RNLS: variants seen among roughly 807,000 people sequenced by gnomAD.
RNLS encodes the protein renalase, FAD dependent amine oxidase.
Under a neutral mutation model 39.8 loss-of-function variants are expected in RNLS, and 39 were observed. The observed-to-expected ratio is 0.98, with a 90% confidence interval of 0.76 to 1.28. RNLS has a LOEUF of 1.28. Among genes scored for constraint, RNLS ranks in the 50% most tolerant of loss-of-function variants. The probability of loss-of-function intolerance (pLI) is 0.00; values close to 1 mark genes in which losing one functional copy is unlikely to be tolerated. For missense variants in RNLS, 410 were observed against 413.3 expected, an observed-to-expected ratio of 0.99 and a Z score of 0.07; for synonymous variants, 147 against 150.7, an observed-to-expected ratio of 0.98 and a Z score of 0.18.
intron 4 of RNLS, among the ~76,000 whole-genome samples, chr10:88,479,282 G>T (rs1476989948): frequency 6.6e-6 from 1 of 152,090 alleles, no homozygotes; most frequent in Non-Finnish European, 1.5e-5. Flanking sequence ...ATGAAGCATC[G>T]TTACATAGAA....
chr10:88,518,896 C>A (rs940533491), intron 4 of RNLS, among the ~76,000 whole-genome samples: 1 of 151,982 alleles, frequency 6.6e-6, no homozygotes, highest in African/African-American at 2.4e-5. Context: ...TAGTAAAGTC[C>A]AGGACTACAT....
chr10:88,382,836 A>AAAACT (rs1342594588), intron 4 of RNLS, among the ~76,000 whole-genome samples: 1 of 152,138 alleles, frequency 6.6e-6, no homozygotes, highest in Non-Finnish European at 1.5e-5. Context: ...CCTGCATTGT[A>AAAACT]AAACTATAGG....
At chr10:88,429,165 T>C (rs1197419044) in intron 4 of RNLS, among the ~76,000 whole-genome samples, 1 of 151,880 alleles carries the variant, frequency 6.6e-6, no homozygotes, top group Non-Finnish European at 1.5e-5. Flanking sequence ...GAAACCTGGG[T>C]TGGAGCCAGG....
the RNLS span, among the ~76,000 whole-genome samples, chr10:88,211,460 G>A: frequency 6.6e-6 from 1 of 152,152 alleles, no homozygotes; most frequent in Non-Finnish European, 1.5e-5. Context: ...CAAGTGCTAT[G>A]AGCAAAAAGC....
chr10:88,351,319 A>C (rs1564719365), intron 5 of RNLS, among the ~76,000 whole-genome samples: 1 of 152,164 alleles, frequency 6.6e-6, no homozygotes, highest in Non-Finnish European at 1.5e-5. Context: ...CTATGTCCTA[A>C]ATGGTAATGC....
intron 4 of RNLS, among the ~76,000 whole-genome samples, chr10:88,434,385 A>T (rs1021348002): frequency 6.6e-6 from 1 of 152,046 alleles, no homozygotes; most frequent in African/African-American, 2.4e-5. Context: ...GAATTAGGAA[A>T]TTTGAGCTCT....
At chr10:88,494,049 C>G (rs1460582816) in intron 4 of RNLS, among the ~76,000 whole-genome samples, 2 of 152,172 alleles carry the variant, frequency 1.3e-5, no homozygotes, top group South Asian at 4.1e-4. Flanking sequence ...AGTAGACACA[C>G]ACACAAAAAT....
At chr10:88,193,566 G>T in the RNLS span, among the ~76,000 whole-genome samples, 2 of 151,900 alleles carry the variant, frequency 1.3e-5, no homozygotes, top group African/African-American at 4.8e-5. Flanking sequence ...AAAATCATAC[G>T]TATTTTTTAA....
chr10:88,184,502 C>T, the RNLS span, among the ~76,000 whole-genome samples: 2,978 of 152,126 alleles, frequency 0.02, 61 homozygotes, highest in Non-Finnish European at 0.027. Flanking sequence ...AGAGATAGGT[C>T]CTTTTCTGTT....
intron 4 of RNLS, among the ~76,000 whole-genome samples, chr10:88,456,575 G>A (rs1842640872): frequency 1.3e-5 from 2 of 152,170 alleles, no homozygotes; most frequent in African/African-American, 2.4e-5. Context: ...TCCTGTGCCT[G>A]TGACATCACA....
rs1323309001 is a variant in RNLS, at chr10:88,314,585, T to C, written c.757A>G (p.Thr253Ala). ...TCCTCAATGCTGTGTTCCAAGTATG[T>C]AACTCCAAATGGGACAGTGGTGTGA... The part of the protein sequence containing the change: ...VIHTTVPFGV[T>A]YLEHSIEDVQ... The change falls in exon 6 of 7, where the codon ACA (threonine) becomes GCA (alanine). Residue 253 changes from threonine to alanine, a missense_variant. Transcript: ENST00000331772. The C allele has an allele frequency of 6.2e-7, 1 of 1,613,830 alleles. No individual in the cohort carries two copies. The highest frequency in any genetic ancestry group is 8.5e-7 in the Non-Finnish European group (1 of 1,179,872).
chr10:88,214,537 G>T, the RNLS span, among the ~76,000 whole-genome samples: 1 of 149,776 alleles, frequency 6.7e-6, no homozygotes, highest in Non-Finnish European at 1.5e-5. Context: ...AGTTAACAGG[G>T]TCTGAATGAA....
At chr10:88,290,301 A>C (rs1843579131) in intron 6 of RNLS, among the ~76,000 whole-genome samples, 1 of 152,192 alleles carries the variant, frequency 6.6e-6, no homozygotes, top group Non-Finnish European at 1.5e-5. Context: ...CATCCAGCCC[A>C]TAATTTGGTT....
chr10:88,352,736 C>T (rs1310971480), intron 5 of RNLS, among the ~76,000 whole-genome samples: 2 of 152,184 alleles, frequency 1.3e-5, no homozygotes, highest in African/African-American at 4.8e-5. Context: ...GGGAGGATTC[C>T]CTCTTTTTCT....
intron 4 of RNLS, among the ~76,000 whole-genome samples, chr10:88,492,100 T>C (rs1844916793): frequency 6.6e-6 from 1 of 152,094 alleles, no homozygotes; most frequent in Non-Finnish European, 1.5e-5. Context: ...GAGTCATTCA[T>C]ATAGTAACAC....
At chr10:88,413,856 C>T (rs113436304) in intron 4 of RNLS, among the ~76,000 whole-genome samples, 102 of 152,222 alleles carry the variant, frequency 6.7e-4, no homozygotes, top group African/African-American at 2.3e-3. Flanking sequence ...GTCAATACTT[C>T]CTACTCATCA....
chr10:88,499,161 T>C (rs1845332119), intron 4 of RNLS, among the ~76,000 whole-genome samples: 1 of 152,180 alleles, frequency 6.6e-6, no homozygotes, highest in Admixed American at 6.5e-5. Context: ...AGTCCATTGT[T>C]GCTCACAAAG....
intron 4 of RNLS, among the ~76,000 whole-genome samples, chr10:88,535,371 A>G (rs1847686799): frequency 6.6e-6 from 1 of 151,432 alleles, no homozygotes; most frequent in South Asian, 2.1e-4. Flanking sequence ...GTAGTTGTAT[A>G]GGTTGGAAAC....
chr10:88,379,571 T>C (rs1851291842), intron 4 of RNLS, among the ~76,000 whole-genome samples: 1 of 152,208 alleles, frequency 6.6e-6, no homozygotes, highest in Non-Finnish European at 1.5e-5. Flanking sequence ...ATAACTAATT[T>C]GCCAGATAGA....
Sources: gnomAD v4.1 joint callset for allele counts (sites outside exome capture counted in the v4.1 genomes callset) on GRCh38, gnomAD v4.1.1 for gene constraint, MANE v1.5 for transcripts, NCBI Gene and HGNC (gene_info 2026-07-23, HGNC 2026-07-21) for gene names.